The following NEO1 variants were observed in gnomAD, a reference collection of about 807,000 sequenced individuals.
NEO1 encodes the protein neogenin 1.
NEO1 carries 63 observed loss-of-function variants against 159.7 expected under a neutral mutation model. That is an observed-to-expected ratio of 0.39 (90% confidence interval 0.32 to 0.49). The LOEUF is 0.49. Ranked by LOEUF, NEO1 falls within the 20% of genes least tolerant of loss-of-function variation. NEO1 has a pLI of 0.85. For missense variants in NEO1, 1,615 were observed against 1,831.0 expected (o/e 0.88, Z 2.15); for synonymous variants, 633 against 662.0 (o/e 0.96, Z 0.67).
At chr15:73,151,979 T>G (rs1017692383) in intron 5 of NEO1, among the ~76,000 whole-genome samples, 3 of 152,224 alleles carry the variant, frequency 2.0e-5, no homozygotes, top group African/African-American at 7.2e-5. Flanking sequence ...ATCTGTGCCT[T>G]TAGTAAATAA....
At chr15:73,296,086 G>A (rs1182816665) in intron 26 of NEO1, among the ~76,000 whole-genome samples, 4 of 152,212 alleles carry the variant, frequency 2.6e-5, no homozygotes, top group Non-Finnish European at 4.4e-5. Context: ...AGGCCTGGGT[G>A]CTGACTCATG....
At chr15:73,254,922 A>G (rs2040266107) in intron 13 of NEO1, 93 bp downstream of exon 13, 5 of 1,347,088 alleles carry the variant, frequency 3.7e-6, no homozygotes, top group South Asian at 3.3e-5. Context: ...CTGTCGACTT[A>G]TACAAACAAA....
intron 6 of NEO1, among the ~76,000 whole-genome samples, chr15:73,177,479 C>G (rs1305150284): frequency 2.6e-5 from 4 of 152,144 alleles, no homozygotes; most frequent in Non-Finnish European, 5.9e-5. Context: ...AAAATAGCCT[C>G]TTAAAATCAA....
At chr15:73,093,776 G>A (rs1205315771) in intron 1 of NEO1, among the ~76,000 whole-genome samples, 3 of 151,748 alleles carry the variant, frequency 2.0e-5, no homozygotes, top group Non-Finnish European at 4.4e-5. Flanking sequence ...ACAGGGTTTC[G>A]CCATGCTTCC....
intron 4 of NEO1, among the ~76,000 whole-genome samples, chr15:73,132,583 G>T (rs964659021): frequency 6.6e-6 from 1 of 152,146 alleles, no homozygotes; most frequent in African/African-American, 2.4e-5. Context: ...GAAATAATCA[G>T]TAGAGTAAAC....
At chr15:73,223,526 T>G (rs2038406657) in intron 7 of NEO1, among the ~76,000 whole-genome samples, 1 of 152,238 alleles carries the variant, frequency 6.6e-6, no homozygotes. Flanking sequence ...CCTTTTACCA[T>G]TATATAATGT....
intron 5 of NEO1, among the ~76,000 whole-genome samples, chr15:73,136,752 C>T (rs2031805276): frequency 1.3e-5 from 2 of 152,056 alleles, no homozygotes; most frequent in Admixed American, 1.3e-4. Flanking sequence ...GTTTTTATCC[C>T]CATTTCCTGT....
At chr15:73,144,485 G>C (rs971398945) in intron 5 of NEO1, among the ~76,000 whole-genome samples, 1 of 152,138 alleles carries the variant, frequency 6.6e-6, no homozygotes, top group African/African-American at 2.4e-5. Flanking sequence ...CTTGATACCA[G>C]TGTGTCATGC....
chr15:73,259,804 C>T (rs1403724541), intron 14 of NEO1, among the ~76,000 whole-genome samples: 1 of 152,142 alleles, frequency 6.6e-6, no homozygotes, highest in African/African-American at 2.4e-5. Context: ...TCTGACTTAC[C>T]ATACTACTTA....
chr15:73,088,826 C>T (rs755232129), intron 1 of NEO1, among the ~76,000 whole-genome samples: 7 of 151,530 alleles, frequency 4.6e-5, no homozygotes, highest in South Asian at 2.1e-4. Context: ...ATTAATTGGG[C>T]GTGAAATAGA....
intron 1 of NEO1, among the ~76,000 whole-genome samples, chr15:73,054,156 A>G (rs1368941802): frequency 6.6e-6 from 1 of 152,218 alleles, no homozygotes; most frequent in Non-Finnish European, 1.5e-5. Flanking sequence ...TACTGATCCA[A>G]CTGTCTCTTA....
intron 9 of NEO1, among the ~76,000 whole-genome samples, chr15:73,245,345 T>G (rs993198907): frequency 6.6e-6 from 1 of 152,184 alleles, no homozygotes; most frequent in Non-Finnish European, 1.5e-5. Context: ...CTGTGGTCTT[T>G]CGTGCTAAAT....
intron 1 of NEO1, among the ~76,000 whole-genome samples, chr15:73,068,232 C>CCCG (rs1276245227): frequency 3.0e-4 from 18 of 60,514 alleles, no homozygotes; most frequent in Admixed American, 1.4e-3. Context: ...TACCCCCCCC[C>CCCG]CTTTTTTTTT....
intron 4 of NEO1, among the ~76,000 whole-genome samples, chr15:73,133,284 G>C (rs140746728): frequency 1.3e-5 from 2 of 152,192 alleles, no homozygotes; most frequent in East Asian, 1.9e-4. Context: ...TATTCTAAGT[G>C]AAATAACTCA....
At chr15:73,262,710 T>C (rs1225706905) in intron 15 of NEO1, among the ~76,000 whole-genome samples, 3 of 152,212 alleles carry the variant, frequency 2.0e-5, no homozygotes, top group African/African-American at 7.2e-5. Context: ...TGTAAAGTTA[T>C]AACCCAGTAA....
intron 7 of NEO1, among the ~76,000 whole-genome samples, chr15:73,219,505 C>G (rs2038102235): frequency 7.1e-6 from 1 of 141,518 alleles, no homozygotes; most frequent in South Asian, 2.5e-4. Flanking sequence ...GTTGATCTGT[C>G]TAATGTTGAC....
At chr15:73,243,677 A>G (rs911426123) in intron 8 of NEO1, among the ~76,000 whole-genome samples, 1 of 152,212 alleles carries the variant, frequency 6.6e-6, no homozygotes, top group Non-Finnish European at 1.5e-5. Context: ...TCATCTCATG[A>G]TATTAAATAC....
rs567620835 is a variant in NEO1, at chr15:73,291,497, G to T, written c.3743-1893G>T. Among the ~76,000 whole-genome samples, 10 of 152,158 alleles carry T rather than the reference G, an allele frequency of 6.6e-5. No individual in the cohort carries two copies. In the South Asian group the frequency reaches 1.0e-3, roughly 16 times the overall value. On this transcript the variant is annotated intron_variant, in intron 25 of 28. Transcript: ENST00000261908. The stretch of plus-strand genomic sequence containing the variant: ...CATAAGATCCACTTGTGGTCTTTAG[G>T]TTTTCAGATACTGTTTTTAAAACCC...
At chr15:73,152,120 A>G (rs117822818) in intron 5 of NEO1, among the ~76,000 whole-genome samples, 2,072 of 152,326 alleles carry the variant, frequency 0.014, 20 homozygotes, top group South Asian at 0.017. Context: ...GTATACATAT[A>G]TTGGTTTTCA....
Sources: allele counts gnomAD v4.1 joint callset (sites outside exome capture counted in the v4.1 genomes callset), GRCh38; gene constraint gnomAD v4.1.1; transcripts MANE v1.5; gene names NCBI Gene and HGNC (gene_info 2026-07-23, HGNC 2026-07-21).